The following GLP1R variants were observed in gnomAD, a reference collection of about 807,000 sequenced individuals.
GLP1R encodes the protein glucagon like peptide 1 receptor, also known as glucagon-like peptide 1 receptor.
A neutral mutation model predicts 68.4 loss-of-function variants in GLP1R; 32 were observed. The ratio of observed to expected loss-of-function variants is 0.47; its 90% CI spans 0.35 to 0.63. GLP1R has a LOEUF of 0.63. Among genes scored for constraint, GLP1R ranks in the 20% least tolerant of loss-of-function variants. The pLI is 0.00. For synonymous variants in GLP1R, 263 were observed against 244.4 expected (o/e 1.08, Z -0.71); for missense variants, 502 against 594.9 (o/e 0.84, Z 1.62).
Position 39,065,150 on chromosome 6 carries a change from GTC to G in GLP1R, c.284-548_284-547del, listed in dbSNP as rs370490271. Among the ~76,000 whole-genome samples the G allele has an allele frequency of 1.8e-3, 281 of 151,962 alleles. 2 individuals are homozygous for G. Among genetic ancestry groups the G allele is most frequent in the African/African-American group, 5.6e-3 (234 of 41,484 alleles). On this transcript the variant is annotated intron_variant, in intron 3 of 12. Coordinates refer to ENST00000373256, the MANE Select transcript of GLP1R (RefSeq NM_002062.5). ...TAGAACTTCTTATGGGCAGGGCTGT[GTC>G]TCTCTCTCTCTCAGATCAGTGCTCT...
intron 5 of GLP1R, among the ~76,000 whole-genome samples, chr6:39,068,584 G>C (rs1040984035): frequency 6.6e-5 from 10 of 152,210 alleles, no homozygotes; most frequent in Admixed American, 1.3e-4. Flanking sequence ...GTTCCCTACA[G>C]CTCGTGCACT....
At chr6:39,069,324 G>A (rs929765246) in intron 5 of GLP1R, among the ~76,000 whole-genome samples, 1 of 152,142 alleles carries the variant, frequency 6.6e-6, no homozygotes, top group African/African-American at 2.4e-5. Flanking sequence ...CAACCACTTA[G>A]ATAATCTCTG....
At chr6:39,078,444 T>G in intron 8 of GLP1R, 62 bp downstream of exon 8, 1 of 1,146,166 alleles carries the variant, frequency 8.7e-7, no homozygotes, top group Non-Finnish European at 1.3e-6. Context: ...GTCCATGGGA[T>G]TCCTTGGTAC....
intron 12 of GLP1R, among the ~76,000 whole-genome samples, chr6:39,084,660 C>G (rs1449689076): frequency 6.6e-6 from 1 of 152,216 alleles, no homozygotes; most frequent in Non-Finnish European, 1.5e-5. Flanking sequence ...GTGGTGTCTG[C>G]TCAGCCTCCT....
Position 39,057,464 on chromosome 6 carries a change from G to T in GLP1R, c.176-8G>T. The stretch of plus-strand genomic sequence containing the variant: ...CAGGGACTCAGAGACTGTTCTTTCT[G>T]CTCCCAGACTTGTTCTGCAACCGGA... On this transcript the variant is annotated splice_region_variant and splice_polypyrimidine_tract_variant and intron_variant, in intron 2 of 12. Coordinates refer to ENST00000373256, the MANE Select transcript of GLP1R (RefSeq NM_002062.5). The T allele has an allele frequency of 6.3e-7, 1 of 1,587,974 alleles. No homozygotes were observed. Among genetic ancestry groups the T allele is most frequent in the Non-Finnish European group, 8.6e-7 (1 of 1,156,470 alleles).
intron 1 of GLP1R, among the ~76,000 whole-genome samples, chr6:39,051,430 G>C (rs543215643): frequency 5.8e-4 from 88 of 152,264 alleles, no homozygotes; most frequent in African/African-American, 2.1e-3. Flanking sequence ...CTGGGTCTCT[G>C]TACTCTAGTG....
chr6:39,056,275 C>T (rs1768211142), intron 1 of GLP1R, 122 bp from the exon 2 acceptor site: 2 of 584,026 alleles, frequency 3.4e-6, no homozygotes, highest in African/African-American at 3.7e-5. Flanking sequence ...GTGGCTGATG[C>T]CTGGCAGAAT....
chr6:39,087,305 C>T lies in GLP1R; in HGVS notation c.*1232C>T, dbSNP rs1683436860. On this transcript the variant is annotated 3_prime_UTR_variant, in exon 13 of 13. Transcript: ENST00000373256. ...GTGCAGTAGTAATTGATTTGACCCA[C>T]TCACACTTGGAGCTAATTAAGGTTT... is the stretch of plus-strand genomic sequence containing the variant. 1 of 152,244 alleles carries T rather than the reference C, an allele frequency of 6.6e-6. No individual in the cohort carries two copies. The highest frequency in any genetic ancestry group is 2.4e-5 in the African/African-American group (1 of 41,442). 9.4% of individuals were successfully genotyped at this position (152,244 alleles called of 1,614,324 possible). A position where few individuals can be genotyped will look rare whatever the true frequency, so the allele number is the denominator to read the frequency against.
At chr6:39,080,557 C>T in intron 11 of GLP1R, 141 bp from the exon 12 acceptor site, 1 of 596,670 alleles carries the variant, frequency 1.7e-6, no homozygotes, top group Non-Finnish European at 3.0e-6. Flanking sequence ...GAAGCCACTG[C>T]CCCATTCCTG....
At chr6:39,050,628 C>T (rs1282236601) in intron 1 of GLP1R, among the ~76,000 whole-genome samples, 1 of 152,156 alleles carries the variant, frequency 6.6e-6, no homozygotes, top group Non-Finnish European at 1.5e-5. Context: ...TCATGGGAAA[C>T]TGAGCTGCCA....
chr6:39,071,167 G>A (rs1768652380), intron 5 of GLP1R, among the ~76,000 whole-genome samples: 2 of 151,644 alleles, frequency 1.3e-5, no homozygotes, highest in South Asian at 4.2e-4. Context: ...TAACACAGTG[G>A]AACCCCATCT....
At chr6:39,058,104 C>T (rs1768262349) in intron 3 of GLP1R, among the ~76,000 whole-genome samples, 1 of 152,130 alleles carries the variant, frequency 6.6e-6, no homozygotes, top group African/African-American at 2.4e-5. Flanking sequence ...CCAGTGCTGG[C>T]CAGTGTGTGG....
At chr6:39,057,675 C>T in intron 3 of GLP1R, 96 bp downstream of exon 3, 1 of 673,632 alleles carries the variant, frequency 1.5e-6, no homozygotes, top group South Asian at 1.7e-5. Flanking sequence ...GTGGTGAGCC[C>T]CCTCCCCGAC....
chr6:39,058,921 C>G (rs1768285953), intron 3 of GLP1R, among the ~76,000 whole-genome samples: 1 of 152,206 alleles, frequency 6.6e-6, no homozygotes, highest in African/African-American at 2.4e-5. Context: ...AGCAACTGGC[C>G]CAGAAACAAG....
chr6:39,085,867 T>C, intron 12 of GLP1R, 39 bp from the exon 13 acceptor site: 1 of 1,603,742 alleles, frequency 6.2e-7, no homozygotes, highest in Non-Finnish European at 8.5e-7. Flanking sequence ...GCCATTGGTT[T>C]GCATGATGGC....
rs1359458450 is a variant in GLP1R, at chr6:39,049,800, G to T, written c.78+882G>T. 6.6e-6 allele frequency among the ~76,000 whole-genome samples: 1 copy of T among 152,140 alleles called. No homozygotes were observed. Among genetic ancestry groups the T allele is most frequent in the Non-Finnish European group, 1.5e-5 (1 of 68,030 alleles). ...CCTGGGATCCTGGGCTAGGGACAGT[G>T]GTCAGCTGCTTTTGAAGAGGGGAGC... is the stretch of plus-strand genomic sequence containing the variant. On this transcript the variant is annotated intron_variant, in intron 1 of 12. Transcript: ENST00000373256. This position sits in a 1 kb window ranked among gnomAD's most constrained non-coding sequence, Gnocchi z 4.5.
intron 12 of GLP1R, among the ~76,000 whole-genome samples, chr6:39,084,673 C>T (rs902978665): frequency 6.6e-5 from 10 of 152,224 alleles, no homozygotes; most frequent in African/African-American, 2.4e-4. Flanking sequence ...AGCCTCCTTC[C>T]CTCCCCCACT....
intron 1 of GLP1R, among the ~76,000 whole-genome samples, chr6:39,051,630 T>C (rs1768090269): frequency 6.6e-6 from 1 of 152,004 alleles, no homozygotes; most frequent in East Asian, 1.9e-4. Context: ...GGAAAATTCC[T>C]ATGTGTGTGT....
At chr6:39,068,882 T>A (rs1379385681) in intron 5 of GLP1R, among the ~76,000 whole-genome samples, 1 of 152,258 alleles carries the variant, frequency 6.6e-6, no homozygotes, top group African/African-American at 2.4e-5. Flanking sequence ...TTCCATTTTC[T>A]ACCCATACTA....
Sources: allele counts gnomAD v4.1 joint callset (sites outside exome capture counted in the v4.1 genomes callset), GRCh38; gene constraint gnomAD v4.1.1; non-coding constraint Gnocchi (gnomAD v3.1); transcripts MANE v1.5; gene names NCBI Gene and HGNC (gene_info 2026-07-23, HGNC 2026-07-21).